The following CDH4 variants were observed in gnomAD, a reference collection of about 807,000 sequenced individuals.
The protein encoded by CDH4 is cadherin-4.
A neutral mutation model predicts 86.0 loss-of-function variants in CDH4; 33 were observed. The observed-to-expected ratio is 0.38, with a 90% CI of 0.29 to 0.51. CDH4 has a LOEUF of 0.51. Ranked by LOEUF, CDH4 falls within the 20% of genes least tolerant of loss-of-function variation. CDH4 has a pLI of 0.86. For synonymous variants in CDH4, 555 were observed against 549.4 expected, an observed-to-expected ratio of 1.01 and a Z score of -0.14; for missense variants, 1,114 against 1,307.4, an observed-to-expected ratio of 0.85 and a Z score of 2.28.
intron 2 of CDH4, among the ~76,000 whole-genome samples, chr20:61,602,936 C>T (rs1032230814): frequency 5.3e-5 from 8 of 152,214 alleles, no homozygotes; most frequent in African/African-American, 1.9e-4. Context: ...GATGCAGCAC[C>T]TGAGGCCCCC....
At chr20:61,775,309 C>T (rs16985567) in intron 4 of CDH4, among the ~76,000 whole-genome samples, 74,609 of 151,758 alleles carry the variant, frequency 0.49, 18,876 homozygotes, top group East Asian at 0.71. Flanking sequence ...GTCATCAGGA[C>T]TGAAGGTCAC....
At chr20:61,543,552 C>T (rs145282912) in intron 2 of CDH4, among the ~76,000 whole-genome samples, 62 of 152,304 alleles carry the variant, frequency 4.1e-4, no homozygotes, top group Non-Finnish European at 7.6e-4. Flanking sequence ...ATTGCCAAAC[C>T]AAGCATTATC....
intron 5 of CDH4, among the ~76,000 whole-genome samples, chr20:61,852,342 C>T (rs567080667): frequency 1.3e-5 from 2 of 152,340 alleles, no homozygotes; most frequent in African/African-American, 2.4e-5. Flanking sequence ...GTTAAGCCCC[C>T]GCCCAATTAG....
intron 2 of CDH4, among the ~76,000 whole-genome samples, chr20:61,656,282 C>T (rs62197794): frequency 4.1e-4 from 37 of 91,298 alleles, no homozygotes; most frequent in African/African-American, 6.7e-4. Flanking sequence ...CTGGGGTGGG[C>T]AGGCGCGTGC....
chr20:61,796,816 G>A (rs1204110269), intron 4 of CDH4, among the ~76,000 whole-genome samples: 2 of 152,204 alleles, frequency 1.3e-5, no homozygotes, highest in African/African-American at 4.8e-5. Flanking sequence ...ACCGAGGGGT[G>A]GGAGGGAGAA....
intron 2 of CDH4, among the ~76,000 whole-genome samples, chr20:61,460,983 C>T (rs529944954): frequency 4.1e-4 from 63 of 152,276 alleles, no homozygotes; most frequent in African/African-American, 1.5e-3. Flanking sequence ...GCCCTGTCGA[C>T]AGTATCCTGC....
At chr20:61,282,546 C>CGTGTGT (rs1568780355) in intron 2 of CDH4, among the ~76,000 whole-genome samples, 2 of 3,880 alleles carry the variant, frequency 5.2e-4, no homozygotes, top group Non-Finnish European at 1.8e-3. Context: ...GGTGTGTGTG[C>CGTGTGT]ATGTGTGTGT....
At chr20:61,776,105 A>T (rs950661683) in intron 4 of CDH4, among the ~76,000 whole-genome samples, 3 of 152,230 alleles carry the variant, frequency 2.0e-5, no homozygotes, top group Non-Finnish European at 4.4e-5. Context: ...GGCTCGGGTA[A>T]GGATGGGCCC....
chr20:61,450,205 A>T (rs369934990), intron 2 of CDH4, among the ~76,000 whole-genome samples: 2 of 152,202 alleles, frequency 1.3e-5, no homozygotes, highest in Admixed American at 6.5e-5. Flanking sequence ...CTGTCTCTGT[A>T]TGACTCACCT....
intron 8 of CDH4, among the ~76,000 whole-genome samples, chr20:61,900,200 C>A (rs3787406): frequency 0.72 from 110,156 of 152,136 alleles, 43,146 homozygotes; most frequent in Non-Finnish European, 0.88. Context: ...CTGGCCAAGC[C>A]CTGTGAGTCC....
chr20:61,668,452 C>T (rs1017799320), intron 2 of CDH4, among the ~76,000 whole-genome samples: 2 of 152,232 alleles, frequency 1.3e-5, no homozygotes, highest in African/African-American at 4.8e-5. Flanking sequence ...CAAAGCAGTG[C>T]CCTGTGGAAC....
In CDH4 at chr20:61,269,283, T is replaced by C. The variant is rs1178748756; in HGVS notation, c.169+14346T>C. ...CTTAGTGGCCCTGGAGGAGCCAGGA[T>C]TGATGGGGGGCAGCCTTCAGAGCCC... On this transcript the variant is annotated intron_variant, in intron 2 of 15. Coordinates refer to ENST00000614565, the MANE Select transcript of CDH4 (RefSeq NM_001794.5). The surrounding 1 kb of genome is among the most constrained non-coding windows in gnomAD (Gnocchi z 5.3). 1.3e-5 allele frequency among the ~76,000 whole-genome samples: 2 copies of C among 152,120 alleles called. No individual in the cohort carries two copies. Among genetic ancestry groups the C allele is most frequent in the Admixed American group, 6.5e-5 (1 of 15,286 alleles).
rs149129205 is a variant in CDH4, at chr20:61,927,179, G to A, written c.1772-1011G>A. 1.1e-3 allele frequency among the ~76,000 whole-genome samples: 175 copies of A among 152,372 alleles called. 1 individual carries two copies. The highest frequency in any genetic ancestry group is 4.0e-3 in the African/African-American group (166 of 41,596). ...GGTTCGCCTGCCTCAGTCAAAACAC[G>A]TGGTTGTTAACGTCAGGTCAGGAGC... On this transcript the variant is annotated intron_variant, in intron 11 of 15. Coordinates refer to ENST00000614565, the MANE Select transcript of CDH4 (RefSeq NM_001794.5).
chr20:61,480,083 TCAA>T lies in CDH4; in HGVS notation c.169+225150_169+225152del, dbSNP rs1279053686. 6.6e-6 allele frequency among the ~76,000 whole-genome samples: 1 copy of T among 152,236 alleles called. No individual in the cohort carries two copies. The highest frequency in any genetic ancestry group is 2.4e-5 in the African/African-American group (1 of 41,462). ...CTGTCGATGTTTTCTTCTGCATTCT[TCAA>T]CAAATACGGGATATAGGAATGGTAA... is the stretch of plus-strand genomic sequence containing the variant. On this transcript the variant is annotated intron_variant, in intron 2 of 15. Transcript: ENST00000614565. This position sits in a 1 kb window ranked among gnomAD's most constrained non-coding sequence, Gnocchi z 5.2.
chr20:61,759,397 C>T (rs913014529), intron 3 of CDH4, among the ~76,000 whole-genome samples: 7 of 152,168 alleles, frequency 4.6e-5, no homozygotes, highest in Non-Finnish European at 8.8e-5. Flanking sequence ...ACTGAAACGC[C>T]ACATGGTGGA....
At chr20:61,917,115 G>C (rs181689259) in intron 9 of CDH4, among the ~76,000 whole-genome samples, 1 of 152,106 alleles carries the variant, frequency 6.6e-6, no homozygotes, top group Non-Finnish European at 1.5e-5. Context: ...CAGGCATCTC[G>C]GGCACGTCAT....
intron 4 of CDH4, among the ~76,000 whole-genome samples, chr20:61,786,646 A>C (rs750085739): frequency 2.0e-5 from 3 of 152,226 alleles, no homozygotes; most frequent in Non-Finnish European, 4.4e-5. Flanking sequence ...CAGATAATTT[A>C]TTGGAGAATA....
At chr20:61,610,942 G>A (rs913138969) in intron 2 of CDH4, among the ~76,000 whole-genome samples, 6 of 151,046 alleles carry the variant, frequency 4.0e-5, no homozygotes, top group African/African-American at 1.5e-4. Flanking sequence ...TGGAAATGCT[G>A]GCCAGGGCTC....
At position 61,402,729 on chromosome 20, in the gene CDH4, G is replaced by A. The variant is rs550569356; in HGVS notation, c.169+147792G>A. Among the ~76,000 whole-genome samples, 22 of 152,224 alleles carry A rather than the reference G, an allele frequency of 1.4e-4. No individual in the cohort carries two copies. In the South Asian group the frequency reaches 3.5e-3, roughly 24 times the overall value. ...TAAAACATATTTTCAATCAGCAGTC[G>A]GTTGAATCCATGGATATGGAACCCA... On this transcript the variant is annotated intron_variant, in intron 2 of 15. Transcript: ENST00000614565.
Sources: gnomAD v4.1 joint callset for allele counts (sites outside exome capture counted in the v4.1 genomes callset) on GRCh38, gnomAD v4.1.1 for gene constraint, Gnocchi (gnomAD v3.1) non-coding constraint, MANE v1.5 for transcripts, NCBI Gene and HGNC (gene_info 2026-07-23, HGNC 2026-07-21) for gene names.